Variants in PARD3B observed in about 807,000 individuals in gnomAD.
PARD3B encodes the protein partitioning defective 3 homolog B.
A neutral mutation model predicts 130.2 loss-of-function variants in PARD3B; 103 were observed. The observed-to-expected ratio is 0.79, with a 90% CI of 0.67 to 0.93. The LOEUF is 0.93. Among genes scored for constraint, PARD3B ranks in the 40% least tolerant of loss-of-function variants. The pLI is 0.00. For missense variants in PARD3B, 1,609 were observed against 1,499.2 expected, an observed-to-expected ratio of 1.07 and a Z score of -1.21; for synonymous variants, 583 against 553.2, an observed-to-expected ratio of 1.05 and a Z score of -0.76.
Position 205,155,226 on chromosome 2 carries a change from C to A in PARD3B, c.1435-3496C>A, listed in dbSNP as rs541363577. Among the ~76,000 whole-genome samples, 6 of 152,234 alleles carry A rather than the reference C, an allele frequency of 3.9e-5. No individual in the cohort carries two copies. In the South Asian group the frequency reaches 1.2e-3, roughly 32 times the overall value. On this transcript the variant is annotated intron_variant, in intron 10 of 22. Coordinates refer to ENST00000406610, the MANE Select transcript of PARD3B (RefSeq NM_001302769.2). ...TGAATTCAGCCCCTTTTAGGAGGGA[C>A]AGTTTCAGAATATGCCATGAGGTGT... is the stretch of plus-strand genomic sequence containing the variant.
At chr2:205,468,922 C>G (rs1337182719) in intron 20 of PARD3B, among the ~76,000 whole-genome samples, 1 of 151,972 alleles carries the variant, frequency 6.6e-6, no homozygotes, top group African/African-American at 2.4e-5. Context: ...CTGCATGATT[C>G]AATACCATTG....
intron 2 of PARD3B, among the ~76,000 whole-genome samples, chr2:204,793,099 C>A (rs980705966): frequency 4.6e-5 from 7 of 152,034 alleles, no homozygotes; most frequent in South Asian, 2.1e-4. Flanking sequence ...AAAAGAAGTC[C>A]CCAGTAATAG....
chr2:204,776,542 C>T lies in PARD3B; in HGVS notation c.222+90260C>T, dbSNP rs568668053. On this transcript the variant is annotated intron_variant, in intron 2 of 22. Transcript: ENST00000406610. Reference sequence around the variant, plus strand: ...GTTAGTTCTTAAGTAGGCAAGTGGCCATTTCTCAAAAGCAGAATTGTGTGG... The same window carrying T: ...GTTAGTTCTTAAGTAGGCAAGTGGCTATTTCTCAAAAGCAGAATTGTGTGG... 2.6e-5 allele frequency among the ~76,000 whole-genome samples: 4 copies of T among 152,040 alleles called. No individual in the cohort carries two copies. In the East Asian group the frequency reaches 7.8e-4, roughly 29 times the overall value.
chr2:205,033,747 C>CCAA (rs1236251134), intron 3 of PARD3B, among the ~76,000 whole-genome samples: 11 of 152,094 alleles, frequency 7.2e-5, no homozygotes, highest in African/African-American at 2.7e-4. Context: ...AACTATTATC[C>CCAA]CTTTAGCTAT....
chr2:205,567,310 T>G lies in PARD3B; in HGVS notation c.3260+13907T>G, dbSNP rs1392085135. 7.4e-5 allele frequency among the ~76,000 whole-genome samples: 8 copies of G among 108,780 alleles called. No homozygotes were observed. The South Asian group carries it at 2.2e-3, about 30-fold the overall frequency. The allele number at this position is 108,780 out of a possible 152,430, so 71.4% of individuals were successfully genotyped here. A position where few individuals can be genotyped will look rare whatever the true frequency, so the allele number is the denominator to read the frequency against. On this transcript the variant is annotated intron_variant, in intron 22 of 22. Transcript: ENST00000406610. The stretch of plus-strand genomic sequence containing the variant: ...AGAATATAGAACATTCCTTGTTTTT[T>G]TTTTTTTTTTTTTTTTTTTTTTGAG...
At chr2:204,771,695 T>C (rs929287441) in intron 2 of PARD3B, among the ~76,000 whole-genome samples, 12 of 152,078 alleles carry the variant, frequency 7.9e-5, no homozygotes, top group Non-Finnish European at 1.8e-4. Flanking sequence ...AAAGTTGCTG[T>C]TTTTTATTTA....
chr2:204,581,446 G>A (rs998093420), intron 1 of PARD3B, among the ~76,000 whole-genome samples: 1 of 151,954 alleles, frequency 6.6e-6, no homozygotes, highest in African/African-American at 2.4e-5. Context: ...AACTTGAATG[G>A]TTATATGGAT....
intron 19 of PARD3B, among the ~76,000 whole-genome samples, chr2:205,433,524 C>T (rs967494993): frequency 3.7e-5 from 3 of 81,174 alleles, no homozygotes; most frequent in Admixed American, 1.8e-4. Context: ...AAGAGCAAGA[C>T]TCTGTGTCAA....
In PARD3B at chr2:205,230,718, T is replaced by C. The variant is rs1413686613; in HGVS notation, c.2141-15060T>C. Among the ~76,000 whole-genome samples the C allele has an allele frequency of 6.6e-6, 1 of 152,120 alleles. No homozygotes were observed. Among genetic ancestry groups the C allele is most frequent in the Non-Finnish European group, 1.5e-5 (1 of 68,020 alleles). On this transcript the variant is annotated intron_variant, in intron 15 of 22. Transcript: ENST00000406610. This position sits in a 1 kb window ranked among gnomAD's most constrained non-coding sequence, Gnocchi z 4.1. ...ATCAAGACTTGCCCAGTAATTGCAG[T>C]CCTTAGGGCCTAGACTACCTTTCAA...
intron 20 of PARD3B, among the ~76,000 whole-genome samples, chr2:205,482,411 G>T (rs2049272028): frequency 6.6e-6 from 1 of 152,136 alleles, no homozygotes; most frequent in Non-Finnish European, 1.5e-5. Context: ...CCAAAAGAAA[G>T]GGTGGCAGAT....
At chr2:205,063,998 G>A (rs1216177673) in intron 4 of PARD3B, among the ~76,000 whole-genome samples, 1 of 152,140 alleles carries the variant, frequency 6.6e-6, no homozygotes, top group Non-Finnish European at 1.5e-5. Flanking sequence ...TCTATAAAGG[G>A]AAGTGAGGTA....
At chr2:205,471,198 C>T (rs1481971085) in intron 20 of PARD3B, among the ~76,000 whole-genome samples, 1 of 152,112 alleles carries the variant, frequency 6.6e-6, no homozygotes, top group Non-Finnish European at 1.5e-5. Flanking sequence ...CATAGGTAGA[C>T]ACATGGCTTA....
rs1173773571 is a variant in PARD3B at position 205,288,280 on chromosome 2, G to A, written c.2186-12250G>A. 1.3e-5 allele frequency among the ~76,000 whole-genome samples: 2 copies of A among 151,986 alleles called. No individual in the cohort carries two copies. Among genetic ancestry groups the A allele is most frequent in the African/African-American group, 2.4e-5 (1 of 41,380 alleles). The stretch of plus-strand genomic sequence containing the variant: ...ATGTTCCTGCACCCTATCCCTCCTC[G>A]TCAGAGAAAAACCTGGGGAAAATAG... On this transcript the variant is annotated intron_variant, in intron 16 of 22. Transcript: ENST00000406610. This position sits in a 1 kb window ranked among gnomAD's most constrained non-coding sequence, Gnocchi z 4.0.
chr2:204,696,510 C>T (rs1258748998), intron 2 of PARD3B, among the ~76,000 whole-genome samples: 5 of 151,980 alleles, frequency 3.3e-5, no homozygotes, highest in East Asian at 1.9e-4. Context: ...TCCAACAAGA[C>T]GTTTTTGACT....
chr2:204,655,541 C>T (rs191408083), intron 1 of PARD3B, among the ~76,000 whole-genome samples: 2 of 152,232 alleles, frequency 1.3e-5, no homozygotes, highest in Admixed American at 1.3e-4. Context: ...TGAAATTATA[C>T]TTCATTCATT....
chr2:205,159,322 T>C (rs1269335283), intron 11 of PARD3B, among the ~76,000 whole-genome samples: 1 of 152,210 alleles, frequency 6.6e-6, no homozygotes, highest in African/African-American at 2.4e-5. Flanking sequence ...AGAGTGATTG[T>C]AGTATAAATT....
intron 3 of PARD3B, among the ~76,000 whole-genome samples, chr2:205,004,132 A>G (rs1695064958): frequency 6.6e-6 from 1 of 152,192 alleles, no homozygotes; most frequent in African/African-American, 2.4e-5. Flanking sequence ...CTGTATTCTT[A>G]TTCAGAGTTG....
chr2:205,303,836 G>A (rs545962128), intron 18 of PARD3B, among the ~76,000 whole-genome samples: 53 of 152,278 alleles, frequency 3.5e-4, no homozygotes, highest in African/African-American at 1.2e-3. Context: ...GGGTTTACTT[G>A]TAGCCCCCTC....
intron 15 of PARD3B, among the ~76,000 whole-genome samples, chr2:205,217,348 C>G (rs1053432819): frequency 2.6e-5 from 4 of 152,158 alleles, no homozygotes; most frequent in African/African-American, 7.2e-5. Context: ...TCCTGAGAGA[C>G]TATTATTTTA....
Sources: gnomAD v4.1 joint callset for allele counts (sites outside exome capture counted in the v4.1 genomes callset) on GRCh38, gnomAD v4.1.1 for gene constraint, Gnocchi (gnomAD v3.1) non-coding constraint, MANE v1.5 for transcripts, NCBI Gene and HGNC (gene_info 2026-07-23, HGNC 2026-07-21) for gene names.